Variants in PTPRD observed in about 807,000 individuals in gnomAD.
PTPRD encodes the protein protein tyrosine phosphatase receptor type D.
In PTPRD, 34 loss-of-function variants were observed where a neutral mutation model predicts 214.5. The ratio of observed to expected loss-of-function variants is 0.16; its 90% CI spans 0.12 to 0.21. The LOEUF (loss-of-function observed/expected upper bound fraction) is 0.21, where lower values mean the gene tolerates loss of function less well. Among genes scored for constraint, PTPRD ranks in the 10% least tolerant of loss-of-function variants. PTPRD has a pLI of 1.00. For missense variants in PTPRD, 2,545 were observed against 2,398.7 expected (o/e 1.06, Z -1.27); for synonymous variants, 1,128 against 845.7 (o/e 1.33, Z -5.79).
intron 8 of PTPRD, among the ~76,000 whole-genome samples, chr9:9,519,477 G>A (rs1372423814): frequency 4.6e-5 from 7 of 151,700 alleles, no homozygotes; most frequent in African/African-American, 1.5e-4. Context: ...AAGAATAAAG[G>A]CATATATAAT....
intron 5 of PTPRD, among the ~76,000 whole-genome samples, chr9:9,854,939 T>C (rs920758438): frequency 2.6e-5 from 4 of 152,190 alleles, no homozygotes; most frequent in South Asian, 2.1e-4. Flanking sequence ...GATACTTTTA[T>C]ACTAAGCTTT....
At chr9:10,523,633 AAAGG>A (rs1373811270) in intron 2 of PTPRD, among the ~76,000 whole-genome samples, 2 of 138,024 alleles carry the variant, frequency 1.4e-5, no homozygotes, top group African/African-American at 2.6e-5. Flanking sequence ...AGACAGAAAG[AAAGG>A]GAGAGAGAGA....
intron 27 of PTPRD, among the ~76,000 whole-genome samples, chr9:8,488,465 C>T (rs1270929879): frequency 6.6e-6 from 1 of 152,126 alleles, no homozygotes; most frequent in Non-Finnish European, 1.5e-5. Flanking sequence ...ATATATAAAA[C>T]ATGTGTGTTG....
At chr9:10,412,331 C>T (rs2098444417) in intron 2 of PTPRD, among the ~76,000 whole-genome samples, 1 of 151,628 alleles carries the variant, frequency 6.6e-6, no homozygotes, top group Non-Finnish European at 1.5e-5. Flanking sequence ...GGACAAATTC[C>T]TGGACACACT....
chr9:10,236,692 C>G (rs1476334852), intron 3 of PTPRD, among the ~76,000 whole-genome samples: 1 of 151,812 alleles, frequency 6.6e-6, no homozygotes, highest in South Asian at 2.1e-4. Flanking sequence ...AAATCTATTA[C>G]CACACTCTAA....
intron 9 of PTPRD, among the ~76,000 whole-genome samples, chr9:9,357,497 T>C (rs895660678): frequency 1.3e-5 from 2 of 151,264 alleles, no homozygotes; most frequent in African/African-American, 4.8e-5. Flanking sequence ...CGTTAGTCAC[T>C]ATGCCTGGGA....
chr9:10,124,281 C>T (rs1030513324), intron 3 of PTPRD, among the ~76,000 whole-genome samples: 1 of 152,204 alleles, frequency 6.6e-6, no homozygotes, highest in African/African-American at 2.4e-5. Context: ...AGTTCATATA[C>T]ATTTAGTGAA....
chr9:10,106,861 C>T (rs1055596527), intron 3 of PTPRD, among the ~76,000 whole-genome samples: 1 of 151,622 alleles, frequency 6.6e-6, no homozygotes, highest in Non-Finnish European at 1.5e-5. Flanking sequence ...CAGTGACATA[C>T]AGAAAGGAAA....
chr9:10,159,491 C>T (rs920479638), intron 3 of PTPRD, among the ~76,000 whole-genome samples: 2 of 151,724 alleles, frequency 1.3e-5, no homozygotes, highest in African/African-American at 4.8e-5. Context: ...AAATAGAAAA[C>T]CACGACCTCC....
chr9:8,986,974 T>C (rs374439414), intron 11 of PTPRD, among the ~76,000 whole-genome samples: 107 of 152,236 alleles, frequency 7.0e-4, no homozygotes, highest in African/African-American at 2.5e-3. Flanking sequence ...AAATTTCTTT[T>C]CCTGTGAATT....
At chr9:10,573,209 A>C (rs553934298) in intron 2 of PTPRD, among the ~76,000 whole-genome samples, 1 of 152,192 alleles carries the variant, frequency 6.6e-6, no homozygotes, top group Non-Finnish European at 1.5e-5. Context: ...CACCAAAAGA[A>C]TTAATCTTAT....
chr9:9,715,999 C>A (rs537518490), intron 7 of PTPRD, among the ~76,000 whole-genome samples: 12 of 152,122 alleles, frequency 7.9e-5, no homozygotes, highest in Non-Finnish European at 1.5e-4. Flanking sequence ...GCTATCCCTC[C>A]CCTCTCCCCC....
chr9:9,066,060 G>A (rs1047835659), intron 10 of PTPRD, among the ~76,000 whole-genome samples: 5 of 152,128 alleles, frequency 3.3e-5, no homozygotes, highest in African/African-American at 1.2e-4. Flanking sequence ...TATCATTGGA[G>A]GGATTCAGTT....
chr9:9,461,461 T>C (rs2093648657), intron 8 of PTPRD, among the ~76,000 whole-genome samples: 1 of 151,972 alleles, frequency 6.6e-6, no homozygotes, highest in African/African-American at 2.4e-5. Flanking sequence ...GAAGATTTAA[T>C]GGAATTAGAG....
intron 8 of PTPRD, among the ~76,000 whole-genome samples, chr9:9,446,948 A>G (rs58378687): frequency 0.013 from 2,032 of 152,298 alleles, 35 homozygotes; most frequent in African/African-American, 0.046. Flanking sequence ...AGAAATGCAA[A>G]TCAAAACCAC....
chr9:9,564,776 T>C (rs1470428922), intron 8 of PTPRD, among the ~76,000 whole-genome samples: 3 of 151,878 alleles, frequency 2.0e-5, no homozygotes, highest in African/African-American at 7.2e-5. Context: ...GTCTTTGGAT[T>C]TATTAGCACT....
chr9:8,725,369 C>T (rs1421593550), intron 12 of PTPRD, among the ~76,000 whole-genome samples: 4 of 152,182 alleles, frequency 2.6e-5, no homozygotes, highest in African/African-American at 9.6e-5. Context: ...CACATTTTAT[C>T]CTCAGTAGTT....
chr9:10,369,785 G>C (rs1375398314), intron 2 of PTPRD, among the ~76,000 whole-genome samples: 2 of 151,940 alleles, frequency 1.3e-5, no homozygotes, highest in Non-Finnish European at 2.9e-5. Context: ...ATAGCATTAA[G>C]TGAGCTACAC....
At chr9:10,363,555 C>T (rs2097438156) in intron 2 of PTPRD, among the ~76,000 whole-genome samples, 1 of 152,316 alleles carries the variant, frequency 6.6e-6, no homozygotes, top group Admixed American at 6.5e-5. Context: ...ATATTTCCAA[C>T]TGTAAATGTT....
Sources: gnomAD v4.1 joint callset for allele counts (sites outside exome capture counted in the v4.1 genomes callset) on GRCh38, gnomAD v4.1.1 for gene constraint, MANE v1.5 for transcripts, NCBI Gene and HGNC (gene_info 2026-07-23, HGNC 2026-07-21) for gene names.